Variants in DHX32 observed in about 807,000 individuals in gnomAD.
The protein encoded by DHX32 is DEAH-box helicase 32 (putative).
In DHX32, 51 loss-of-function variants were observed where a neutral mutation model predicts 70.0. That is an observed-to-expected ratio of 0.73 (90% confidence interval 0.58 to 0.92). The LOEUF is 0.92. Ranked by LOEUF, DHX32 falls within the 40% of genes least tolerant of loss-of-function variation. DHX32 has a pLI of 0.00. For synonymous variants in DHX32, 310 were observed against 315.3 expected (o/e 0.98, Z 0.18); for missense variants, 762 against 891.8 (o/e 0.85, Z 1.85).
At chr10:125,852,795 T>C (rs1219094979) in intron 4 of DHX32, among the ~76,000 whole-genome samples, 153 bp from the exon 5 acceptor site, 5 of 152,234 alleles carry the variant, frequency 3.3e-5, no homozygotes, top group Admixed American at 2.6e-4. Flanking sequence ...ATTGTTTCAC[T>C]TGCCTTGAGA....
intron 8 of DHX32, among the ~76,000 whole-genome samples, chr10:125,840,427 C>A (rs1318011994): frequency 4.6e-5 from 7 of 152,276 alleles, no homozygotes; most frequent in Non-Finnish European, 5.9e-5. Flanking sequence ...ATCTGGAGCT[C>A]TGCAGCCTCT....
intron 2 of DHX32, among the ~76,000 whole-genome samples, chr10:125,865,832 T>G (rs1944217248): frequency 6.6e-6 from 1 of 152,124 alleles, no homozygotes; most frequent in South Asian, 2.1e-4. Context: ...CCCAGCCCCA[T>G]GGGTTTTCTG....
At chr10:125,889,008 T>C (rs1192468396) in intron 1 of DHX32, among the ~76,000 whole-genome samples, 1 of 152,154 alleles carries the variant, frequency 6.6e-6, no homozygotes, top group African/African-American at 2.4e-5. Flanking sequence ...TGCAGTGAGC[T>C]GAAGTGCGCC....
At chr10:125,879,173 A>G (rs1944303161) in intron 1 of DHX32, among the ~76,000 whole-genome samples, 1 of 151,104 alleles carries the variant, frequency 6.6e-6, no homozygotes, top group African/African-American at 2.4e-5. Context: ...ACAGGCACGC[A>G]CCACCATGCC....
At chr10:125,887,193 C>T (rs79749233) in intron 1 of DHX32, among the ~76,000 whole-genome samples, 2 of 152,082 alleles carry the variant, frequency 1.3e-5, no homozygotes, top group Non-Finnish European at 2.9e-5. Flanking sequence ...TCAATGCCTC[C>T]ATTTTTGGGT....
At chr10:125,889,261 GCTTT>G (rs1282837587) in intron 1 of DHX32, among the ~76,000 whole-genome samples, 1 of 152,076 alleles carries the variant, frequency 6.6e-6, no homozygotes, top group Non-Finnish European at 1.5e-5. Context: ...TTCTGAGCCC[GCTTT>G]GCAACTCCTG....
chr10:125,860,247 T>C (rs568712317), intron 2 of DHX32, among the ~76,000 whole-genome samples: 1 of 152,344 alleles, frequency 6.6e-6, no homozygotes, highest in South Asian at 2.1e-4. Flanking sequence ...TCTGCCTAAA[T>C]GTTTATTACA....
At chr10:125,887,920 C>T (rs893962409) in intron 1 of DHX32, among the ~76,000 whole-genome samples, 8 of 152,074 alleles carry the variant, frequency 5.3e-5, no homozygotes, top group African/African-American at 1.9e-4. Context: ...TAAGAGAAAC[C>T]AATATATCCA....
intron 6 of DHX32, among the ~76,000 whole-genome samples, chr10:125,851,576 A>G (rs1564825936): frequency 6.6e-6 from 1 of 152,178 alleles, no homozygotes; most frequent in Non-Finnish European, 1.5e-5. Flanking sequence ...AGCAATTTTC[A>G]AAAATGAAAC....
In DHX32 at chr10:125,840,860, A is replaced by T; in HGVS notation, c.1680T>A (p.Asn560Lys). 1.3e-6 allele frequency: 2 copies of T among 1,594,110 alleles called. No individual in the cohort carries two copies. Among genetic ancestry groups the T allele is most frequent in the Admixed American group, 1.7e-5 (1 of 57,606 alleles). Residue 560 changes from asparagine (N) to lysine (K), a missense_variant, in exon 8 of 11, where the codon AAT becomes AAA. By Grantham distance (94) the Asn-to-Lys change is moderately conservative. Around this residue, in one of 3 missense-constraint regions of DHX32, gnomAD observed 366 missense variants for 402.6 expected, o/e 0.91. Transcript: ENST00000284690. ...IYKAYQDTTL[N>K]SSSEYCVEKW... is the part of the protein sequence containing the mutation. ...GCATTCACTTACACTCACTGCTAGA[A>T]TTCAGAGTTGTGTCTTGGTAAGCCT...
At chr10:125,874,628 C>G (rs942839184) in intron 1 of DHX32, among the ~76,000 whole-genome samples, 1 of 152,028 alleles carries the variant, frequency 6.6e-6, no homozygotes, top group Non-Finnish European at 1.5e-5. Flanking sequence ...AATCTGAGAA[C>G]AGGTAAAGAT....
At chr10:125,889,412 A>C (rs1206805844) in intron 1 of DHX32, among the ~76,000 whole-genome samples, 1 of 152,204 alleles carries the variant, frequency 6.6e-6, no homozygotes, top group East Asian at 1.9e-4. Flanking sequence ...GTGAATAATA[A>C]CGTCTTCAGA....
chr10:125,862,487 C>G (rs1944196505), intron 2 of DHX32, among the ~76,000 whole-genome samples: 1 of 150,812 alleles, frequency 6.6e-6, no homozygotes. Flanking sequence ...AATGTTATCT[C>G]TGTTTCCTTT....
upstream of DHX32, among the ~76,000 whole-genome samples, chr10:125,881,622 A>C (rs951211125): frequency 6.6e-6 from 1 of 152,150 alleles, no homozygotes; most frequent in African/African-American, 2.4e-5. Flanking sequence ...ATTTCCTTCC[A>C]TATGTAGTTA....
At chr10:125,861,188 G>A (rs865948789) in intron 2 of DHX32, among the ~76,000 whole-genome samples, 19 of 152,056 alleles carry the variant, frequency 1.2e-4, no homozygotes, top group Admixed American at 7.9e-4. Flanking sequence ...ACTTAGATTT[G>A]GGGAGGGTCC....
intron 6 of DHX32, among the ~76,000 whole-genome samples, chr10:125,849,252 C>T (rs1300101206): frequency 6.6e-6 from 1 of 152,218 alleles, no homozygotes; most frequent in Non-Finnish European, 1.5e-5. Flanking sequence ...TTTCCGCCTG[C>T]ACTGTTGCAC....
chr10:125,842,763 A>G, intron 6 of DHX32: 1 of 913,096 alleles, frequency 1.1e-6, no homozygotes, highest in Non-Finnish European at 1.3e-6. Context: ...GTAGACAAAG[A>G]TGTTATTTCC....
chr10:125,838,302 G>T lies in DHX32; in HGVS notation c.1967C>A (p.Ser656Ter). 1 of 1,613,934 alleles carries T rather than the reference G, an allele frequency of 6.2e-7. No homozygotes were observed. The highest frequency in any genetic ancestry group is 8.5e-7 in the Non-Finnish European group (1 of 1,179,990). ...VAQLHPLSGY[S>*]ITKKMPEWVL... Reference sequence around the variant, plus strand: ...CCACTCTGGCATCTTCTTGGTGATTGAGTAACCAGACAGGGGATGCAGCTG... The same window carrying T: ...CCACTCTGGCATCTTCTTGGTGATTTAGTAACCAGACAGGGGATGCAGCTG... Residue 656 changes from serine (S) to a stop codon, truncating the protein, a stop_gained, in exon 10 of 11, where the codon TCA becomes TAA. Coordinates refer to ENST00000284690, the MANE Select transcript of DHX32 (RefSeq NM_018180.3). LOFTEE classifies it high-confidence loss of function.
chr10:125,839,683 GAATT>G (rs778451284), intron 8 of DHX32, among the ~76,000 whole-genome samples: 2 of 152,268 alleles, frequency 1.3e-5, no homozygotes, highest in South Asian at 2.1e-4. Flanking sequence ...GTTGATTTGG[GAATT>G]AATTATGTTA....
Sources: gnomAD v4.1 joint callset for allele counts (sites outside exome capture counted in the v4.1 genomes callset) on GRCh38, gnomAD v4.1.1 for gene constraint, gnomAD v4.1.1 regional missense constraint, MANE v1.5 for transcripts, NCBI Gene and HGNC (gene_info 2026-07-23, HGNC 2026-07-21) for gene names.